Variants in GLUD1 observed in about 807,000 individuals in gnomAD.
GLUD1 encodes glutamate dehydrogenase 1.
In GLUD1, 22 loss-of-function variants were observed where a neutral mutation model predicts 56.0. The observed-to-expected ratio is 0.39, with a 90% CI of 0.28 to 0.56. The LOEUF (loss-of-function observed/expected upper bound fraction) is 0.56, where lower values mean the gene tolerates loss of function less well. Among genes scored for constraint, GLUD1 ranks in the 20% least tolerant of loss-of-function variants. The pLI is 0.58. For synonymous variants in GLUD1, 223 were observed against 269.9 expected (o/e 0.83, Z 1.70); for missense variants, 451 against 732.0 (o/e 0.62, Z 4.43).
chr10:87,088,072 ACT>A (rs748305735), intron 1 of GLUD1, among the ~76,000 whole-genome samples: 115 of 151,388 alleles, frequency 7.6e-4, no homozygotes, highest in Admixed American at 5.2e-3. Context: ...CAAGAGCAAA[ACT>A]CTGTTTCAAA....
chr10:87,055,427 T>C (rs1411397050), intron 11 of GLUD1, among the ~76,000 whole-genome samples: 1 of 152,076 alleles, frequency 6.6e-6, no homozygotes, highest in Admixed American at 6.5e-5. Flanking sequence ...GAGAAAACTT[T>C]TATTTTTTTA....
chr10:87,052,035 G>GA (rs1333907873), intron 12 of GLUD1, among the ~76,000 whole-genome samples, 165 bp from the exon 13 acceptor site: 2 of 152,226 alleles, frequency 1.3e-5, no homozygotes, highest in Admixed American at 6.5e-5. Context: ...CTCTAGGCAG[G>GA]AGGGCCTAAT....
intron 5 of GLUD1, among the ~76,000 whole-genome samples, chr10:87,067,086 T>C (rs899415971): frequency 3.9e-5 from 6 of 152,250 alleles, no homozygotes; most frequent in Non-Finnish European, 7.3e-5. Context: ...ACTGACACCA[T>C]AGGAGGTTCT....
intron 11 of GLUD1, among the ~76,000 whole-genome samples, chr10:87,055,497 G>C (rs1023500518): frequency 6.6e-6 from 1 of 152,162 alleles, no homozygotes; most frequent in Admixed American, 6.5e-5. Context: ...CAGCCCTCTG[G>C]CAGGGACAGT....
intron 1 of GLUD1, among the ~76,000 whole-genome samples, chr10:87,088,550 A>ATT: frequency 6.6e-6 from 1 of 152,286 alleles, no homozygotes; most frequent in East Asian, 1.9e-4. Context: ...GAAAAAAAAA[A>ATT]TTCATGCAAA....
At chr10:87,064,149 G>A (rs1467226239) in intron 5 of GLUD1, among the ~76,000 whole-genome samples, 1 of 152,058 alleles carries the variant, frequency 6.6e-6, no homozygotes, top group Non-Finnish European at 1.5e-5. Context: ...TCCTGACCTC[G>A]TGATCCACCC....
intron 11 of GLUD1, among the ~76,000 whole-genome samples, chr10:87,054,317 A>C (rs2133779576): frequency 6.6e-6 from 1 of 152,312 alleles, no homozygotes; most frequent in Admixed American, 6.5e-5. Context: ...GGATCATTGA[A>C]GTTTTCAATC....
At chr10:87,055,612 G>A (rs941017062) in intron 11 of GLUD1, among the ~76,000 whole-genome samples, 1 of 152,088 alleles carries the variant, frequency 6.6e-6, no homozygotes, top group Admixed American at 6.5e-5. Flanking sequence ...GAACTGCAGT[G>A]ACACTTAAGC....
chr10:87,055,124 T>C (rs1395706465), intron 11 of GLUD1, among the ~76,000 whole-genome samples: 1 of 152,152 alleles, frequency 6.6e-6, no homozygotes, highest in Admixed American at 6.5e-5. Flanking sequence ...TTGAGGTTAG[T>C]GGTCAGGGTG....
At chr10:87,071,972 T>G (rs569506949) in intron 4 of GLUD1, among the ~76,000 whole-genome samples, 1 of 152,204 alleles carries the variant, frequency 6.6e-6, no homozygotes, top group Non-Finnish European at 1.5e-5. Context: ...AGGCTTAATA[T>G]GGTTAAGATG....
chr10:87,074,515 C>G, intron 4 of GLUD1, 36 bp downstream of exon 4: 1 of 1,252,272 alleles, frequency 8.0e-7, no homozygotes, highest in Non-Finnish European at 1.2e-6. Flanking sequence ...TTTAGATGTT[C>G]CCACTTTATA....
chr10:87,053,244 T>C (rs1449822965), intron 12 of GLUD1, 98 bp downstream of exon 12: 3 of 808,404 alleles, frequency 3.7e-6, no homozygotes, highest in South Asian at 2.8e-5. Flanking sequence ...AACAGATTGA[T>C]GTTTTCTATC....
At chr10:87,090,918 T>C (rs1207157291) in intron 1 of GLUD1, among the ~76,000 whole-genome samples, 1 of 152,194 alleles carries the variant, frequency 6.6e-6, no homozygotes, top group Non-Finnish European at 1.5e-5. Context: ...GTGCTTTCTA[T>C]AGTCTTCCCT....
Position 87,065,715 on chromosome 10 carries a change from G to A in GLUD1, c.741+2348C>T, listed in dbSNP as rs191025263. Among the ~76,000 whole-genome samples the A allele has an allele frequency of 2.1e-3, 321 of 152,272 alleles. 5 individuals are homozygous for A. The highest frequency in any genetic ancestry group is 2.8e-4 in the Non-Finnish European group (19 of 68,018). On this transcript the variant is annotated intron_variant, in intron 5 of 12. Coordinates refer to ENST00000277865, the MANE Select transcript of GLUD1 (RefSeq NM_005271.5). ...CAGGGGGTTGTATAATTTACCTGAT[G>A]TAATACCTACAGATATTTATTTTCT...
At chr10:87,053,193 G>T in intron 12 of GLUD1, 149 bp downstream of exon 12, 1 of 686,948 alleles carries the variant, frequency 1.5e-6, no homozygotes, top group South Asian at 1.6e-5. Context: ...ATCTGAGACT[G>T]AAAAAACATG....
chr10:87,085,865 T>G (rs1379462412), intron 1 of GLUD1, among the ~76,000 whole-genome samples: 1 of 152,260 alleles, frequency 6.6e-6, no homozygotes, highest in Admixed American at 6.5e-5. Context: ...TTAATTTTTC[T>G]TGGTAGATTC....
rs572006810 is a variant in GLUD1, at chr10:87,071,159, T to C, written c.647-3002A>G. The stretch of plus-strand genomic sequence containing the variant: ...AAAAACAAAAACAAAAAACAAGTAG[T>C]TCCTGAATAACAGATATATTCTTTT... On this transcript the variant is annotated intron_variant, in intron 4 of 12. Coordinates refer to ENST00000277865, the MANE Select transcript of GLUD1 (RefSeq NM_005271.5). Among the ~76,000 whole-genome samples the C allele has an allele frequency of 1.8e-4, 28 of 151,402 alleles. No individual in the cohort carries two copies. The South Asian group carries it at 5.6e-3, about 31-fold the overall frequency.
chr10:87,087,209 A>C (rs954397734), intron 1 of GLUD1, among the ~76,000 whole-genome samples: 2 of 152,228 alleles, frequency 1.3e-5, no homozygotes, highest in African/African-American at 4.8e-5. Flanking sequence ...CAACATGAAG[A>C]GGTACACAGG....
At chr10:87,059,389 T>A in intron 9 of GLUD1, 116 bp from the exon 10 acceptor site, 1 of 989,552 alleles carries the variant, frequency 1.0e-6, no homozygotes, top group Non-Finnish European at 1.6e-6. Context: ...ATATCGCAAA[T>A]ATATTTTAGC....
Sources: allele counts gnomAD v4.1 joint callset (sites outside exome capture counted in the v4.1 genomes callset), GRCh38; gene constraint gnomAD v4.1.1; transcripts MANE v1.5; gene names NCBI Gene and HGNC (gene_info 2026-07-23, HGNC 2026-07-21).